The following SLC22A23 variants were observed in gnomAD, a reference collection of about 807,000 sequenced individuals.
SLC22A23 encodes the protein ion transporter protein.
A neutral mutation model predicts 61.0 loss-of-function variants in SLC22A23; 26 were observed. The ratio of observed to expected loss-of-function variants is 0.43; its 90% CI spans 0.31 to 0.59. The LOEUF (loss-of-function observed/expected upper bound fraction) is 0.59. SLC22A23 is among the 20% of genes least tolerant of loss of function. SLC22A23 has a pLI of 0.11. For synonymous variants in SLC22A23, 430 were observed against 413.9 expected (o/e 1.04, Z -0.47); for missense variants, 796 against 934.7 (o/e 0.85, Z 1.94).
At chr6:3,296,491 C>A (rs1761108532) in intron 5 of SLC22A23, among the ~76,000 whole-genome samples, 1 of 152,198 alleles carries the variant, frequency 6.6e-6, no homozygotes, top group African/African-American at 2.4e-5. Context: ...ACACGTGAAG[C>A]ACTTGGGGGC....
rs1014649374 is a variant in SLC22A23 at position 3,297,788 on chromosome 6, T to A, written c.1210+303A>T. Among the ~76,000 whole-genome samples the A allele has an allele frequency of 6.6e-6, 1 of 152,172 alleles. No homozygotes were observed. Among genetic ancestry groups the A allele is most frequent in the African/African-American group, 2.4e-5 (1 of 41,460 alleles). ...GCAGTGTTTAGACCTGGCAGGCAGG[T>A]AGGCTATGGGCCAGACAGCCAGATA... On this transcript the variant is annotated intron_variant, in intron 5 of 9. Transcript: ENST00000406686. The surrounding 1 kb of genome is among the most constrained non-coding windows in gnomAD (Gnocchi z 4.3).
rs1007676259 is a variant in SLC22A23, at chr6:3,324,746, G to A, written c.914-744C>T. On this transcript the variant is annotated intron_variant, in intron 3 of 9. Transcript: ENST00000406686. This position sits in a 1 kb window ranked among gnomAD's most constrained non-coding sequence, Gnocchi z 4.3. ...TCTGTCTCTATTGGACACCACCCCC[G>A]GGCAAGGCCCATGTCTAATTCATCT... Among the ~76,000 whole-genome samples, 45 of 152,306 alleles carry A rather than the reference G, an allele frequency of 3.0e-4. No individual in the cohort carries two copies. Among genetic ancestry groups the A allele is most frequent in the African/African-American group, 1.1e-3 (44 of 41,562 alleles).
chr6:3,413,459 G>T (rs1450095589), intron 2 of SLC22A23, among the ~76,000 whole-genome samples: 1 of 152,222 alleles, frequency 6.6e-6, no homozygotes, highest in Non-Finnish European at 1.5e-5. Context: ...CCCAGGGCAG[G>T]CTGGGGAAGG....
At chr6:3,296,058 C>G (rs1034852496) in intron 5 of SLC22A23, among the ~76,000 whole-genome samples, 19 of 151,362 alleles carry the variant, frequency 1.3e-4, no homozygotes, top group African/African-American at 4.7e-4. Flanking sequence ...CAAGCTATTC[C>G]CAGACAATAT....
Position 3,309,216 on chromosome 6 carries a change from G to A in SLC22A23, c.1083-10998C>T, listed in dbSNP as rs940577672. Among the ~76,000 whole-genome samples the A allele has an allele frequency of 4.0e-5, 6 of 151,636 alleles. No individual in the cohort carries two copies. Among genetic ancestry groups the A allele is most frequent in the Non-Finnish European group, 5.9e-5 (4 of 67,938 alleles). ...TTCAGGAGGCTGAGACAGGAGAATCGCTTGAACCCGGGAGGTTTGCAGTGG... is the reference window on the plus strand; with the variant it reads ...TTCAGGAGGCTGAGACAGGAGAATCACTTGAACCCGGGAGGTTTGCAGTGG... On this transcript the variant is annotated intron_variant, in intron 4 of 9. Coordinates refer to ENST00000406686, the MANE Select transcript of SLC22A23 (RefSeq NM_015482.2). This position sits in a 1 kb window ranked among gnomAD's most constrained non-coding sequence, Gnocchi z 4.7.
rs1313747392 is a variant in SLC22A23, at chr6:3,272,233, G to GACTTTTCTGCTGGAGCC, written c.*805_*821dup. The GACTTTTCTGCTGGAGCC allele has an allele frequency of 3.3e-5, 5 of 152,716 alleles. No homozygotes were observed. The highest frequency in any genetic ancestry group is 4.8e-5 in the African/African-American group (2 of 41,454). The allele number at this position is 152,716 out of a possible 1,614,324, so 9.5% of individuals were successfully genotyped here. On this transcript the variant is annotated 3_prime_UTR_variant, in exon 10 of 10. Transcript: ENST00000406686. ...GCACAAGAGCTGCCTGTGCACGAGG[G>GACTTTTCTGCTGGAGCC]ACTTTTCTGCTGGAGCCAATCTGGG...
At chr6:3,281,200 G>A (rs1759447293) in intron 9 of SLC22A23, among the ~76,000 whole-genome samples, 1 of 152,234 alleles carries the variant, frequency 6.6e-6, no homozygotes, top group Non-Finnish European at 1.5e-5. Context: ...CAAGCTGGGA[G>A]ATGGGCACAG....
chr6:3,320,543 C>T (rs982876858), intron 4 of SLC22A23, among the ~76,000 whole-genome samples: 1 of 152,196 alleles, frequency 6.6e-6, no homozygotes, highest in Admixed American at 6.5e-5. Flanking sequence ...AAGCAAGCAA[C>T]TTTCAATATG....
intron 3 of SLC22A23, among the ~76,000 whole-genome samples, chr6:3,378,657 C>CTTTTTTTTTCTTTTCTTTTTTCT (rs1766745969): frequency 8.4e-6 from 1 of 119,058 alleles, no homozygotes; most frequent in African/African-American, 3.1e-5. Flanking sequence ...TTTCTTTTTT[C>CTTTTTTTTTCTTTTCTTTTTTCT]TTTTTTTTTT....
intron 1 of SLC22A23, among the ~76,000 whole-genome samples, chr6:3,429,329 T>C (rs554579048): frequency 3.3e-5 from 5 of 152,324 alleles, no homozygotes; most frequent in South Asian, 4.1e-4. Flanking sequence ...TGGTAAGATA[T>C]GGACAAACAT....
chr6:3,302,127 C>T (rs1360127139), intron 4 of SLC22A23, among the ~76,000 whole-genome samples: 2 of 152,166 alleles, frequency 1.3e-5, no homozygotes, highest in East Asian at 3.8e-4. Context: ...TGTTATTGGT[C>T]TGTTCAGCCT....
chr6:3,437,814 C>T (rs1399853533), intron 1 of SLC22A23, among the ~76,000 whole-genome samples: 7 of 142,602 alleles, frequency 4.9e-5, no homozygotes, highest in Middle Eastern at 3.9e-3. Context: ...GTGGCACCAT[C>T]TTGGCTCACT....
At chr6:3,320,784 A>G (rs1018391318) in intron 4 of SLC22A23, among the ~76,000 whole-genome samples, 13 of 152,192 alleles carry the variant, frequency 8.5e-5, no homozygotes, top group Non-Finnish European at 1.8e-4. Flanking sequence ...AACCTGCCCC[A>G]TTACACCCAG....
intron 9 of SLC22A23, among the ~76,000 whole-genome samples, chr6:3,283,257 C>T (rs188083417): frequency 1.6e-4 from 24 of 152,230 alleles, no homozygotes; most frequent in African/African-American, 5.8e-4. Context: ...CCAGGTGAAA[C>T]CACGTCTCTA....
At position 3,415,865 on chromosome 6, in the gene SLC22A23, G is replaced by A; in HGVS notation, c.655-10C>T. 6.5e-7 allele frequency: 1 copy of A among 1,531,508 alleles called. No homozygotes were observed. The highest frequency in any genetic ancestry group is 1.2e-5 in the South Asian group (1 of 83,462). The allele number at this position is 1,531,508 out of a possible 1,614,324, so 94.9% of individuals were successfully genotyped here. A position where few individuals can be genotyped will look rare whatever the true frequency, so the allele number is the denominator to read the frequency against. ...CACACACAAGATCCCACTAGAGAGG[G>A]GCAAATAGAAAATAAATCAGAGAGA... On this transcript the variant is annotated splice_polypyrimidine_tract_variant and intron_variant, in intron 1 of 9. Transcript: ENST00000406686.
At position 3,322,677 on chromosome 6, in the gene SLC22A23, C is replaced by A. The variant is rs1341818770; in HGVS notation, c.1082+1157G>T. On this transcript the variant is annotated intron_variant, in intron 4 of 9. Coordinates refer to ENST00000406686, the MANE Select transcript of SLC22A23 (RefSeq NM_015482.2). This position sits in a 1 kb window ranked among gnomAD's most constrained non-coding sequence, Gnocchi z 4.1. ...AACCAGGCTCTCGGGGAAACCGCAC[C>A]TGCACCCTCGCAGTACATCTACTAC... 6.6e-6 allele frequency among the ~76,000 whole-genome samples: 1 copy of A among 152,182 alleles called. No individual in the cohort carries two copies. The highest frequency in any genetic ancestry group is 1.9e-4 in the East Asian group (1 of 5,194).
At chr6:3,444,322 C>T (rs1463075329) in intron 1 of SLC22A23, among the ~76,000 whole-genome samples, 1 of 152,210 alleles carries the variant, frequency 6.6e-6, no homozygotes. Context: ...TTCTACAATA[C>T]TGAGGTCAAA....
rs528274170 is a variant in SLC22A23, at chr6:3,387,872, C to T, written c.913+22316G>A. ...AGTGGCAGGAAAGGAGAAGGCAGGC[C>T]GCAGCGAGGATGTCCTGGCAGCCCA... On this transcript the variant is annotated intron_variant, in intron 3 of 9. Coordinates refer to ENST00000406686, the MANE Select transcript of SLC22A23 (RefSeq NM_015482.2). This position sits in a 1 kb window ranked among gnomAD's most constrained non-coding sequence, Gnocchi z 5.0. 2.4e-3 allele frequency among the ~76,000 whole-genome samples: 371 copies of T among 152,258 alleles called. 2 individuals carry two copies. The highest frequency in any genetic ancestry group is 4.5e-3 in the Non-Finnish European group (308 of 68,014).
chr6:3,305,141 T>C (rs1761885780), intron 4 of SLC22A23, among the ~76,000 whole-genome samples: 1 of 152,194 alleles, frequency 6.6e-6, no homozygotes, highest in Non-Finnish European at 1.5e-5. Flanking sequence ...TGTGTGATGC[T>C]TGCAAGTCCA....
Sources: gnomAD v4.1 joint callset for allele counts (sites outside exome capture counted in the v4.1 genomes callset) on GRCh38, gnomAD v4.1.1 for gene constraint, Gnocchi (gnomAD v3.1) non-coding constraint, MANE v1.5 for transcripts, NCBI Gene and HGNC (gene_info 2026-07-23, HGNC 2026-07-21) for gene names.